LRP11: variants seen among roughly 807,000 people sequenced by gnomAD.
LRP11 encodes the protein low-density lipoprotein receptor-related protein 11.
In LRP11, 25 loss-of-function variants were observed where a neutral mutation model predicts 43.1. The ratio of observed to expected loss-of-function variants is 0.58; its 90% CI spans 0.42 to 0.81. LRP11 has a LOEUF of 0.81. Among genes scored for constraint, LRP11 ranks in the 30% least tolerant of loss-of-function variants. The pLI is 0.00. For missense variants in LRP11, 623 were observed against 665.1 expected (o/e 0.94, Z 0.70); for synonymous variants, 316 against 299.4 (o/e 1.06, Z -0.57).
chr6:149,834,310 C>A (rs945594267), intron 5 of LRP11, among the ~76,000 whole-genome samples: 19 of 152,178 alleles, frequency 1.2e-4, no homozygotes, highest in African/African-American at 4.6e-4. Context: ...ATTTATCATT[C>A]CTCAGTGCTG....
chr6:149,863,975 G>C lies in LRP11; in HGVS notation c.46C>G (p.Pro16Ala), dbSNP rs753559069. Reference sequence around the variant, plus strand: ...CCGCGCAGCGCCCCGTGACGCGGCGGTAGCCGGCGCTGCGAGCCCGCGCTC... The same window carrying C: ...CCGCGCAGCGCCCCGTGACGCGGCGCTAGCCGGCGCTGCGAGCCCGCGCTC... ...QESAGSQRRL[P>A]PRHGALRGLL... Residue 16 changes from proline to alanine, a missense_variant, in exon 1 of 7, where the codon CCG (proline) becomes GCG (alanine). Coordinates refer to ENST00000239367, the MANE Select transcript of LRP11 (RefSeq NM_032832.6). The C allele has an allele frequency of 3.5e-6, 5 of 1,414,258 alleles. No individual in the cohort carries two copies. Among genetic ancestry groups the C allele is most frequent in the Non-Finnish European group, 4.6e-6 (5 of 1,091,402 alleles). The allele number at this position is 1,414,258 out of a possible 1,614,324, so 87.6% of individuals were successfully genotyped here. A position where few individuals can be genotyped will look rare whatever the true frequency, so the allele number is the denominator to read the frequency against.
At chr6:149,843,914 C>G (rs1239680057) in intron 2 of LRP11, among the ~76,000 whole-genome samples, 3 of 152,256 alleles carry the variant, frequency 2.0e-5, no homozygotes, top group Admixed American at 2.0e-4. Flanking sequence ...ACTAACTGAC[C>G]TAGCAAAAGT....
intron 5 of LRP11, among the ~76,000 whole-genome samples, chr6:149,834,568 G>A (rs1776448402): frequency 6.6e-6 from 1 of 152,102 alleles, no homozygotes; most frequent in African/African-American, 2.4e-5. Context: ...CACCCCTTCG[G>A]CAGTCCTGCC....
At chr6:149,858,733 C>A (rs1443556366) in intron 1 of LRP11, among the ~76,000 whole-genome samples, 1 of 152,146 alleles carries the variant, frequency 6.6e-6, no homozygotes, top group Non-Finnish European at 1.5e-5. Context: ...TTAGCACTGC[C>A]CATGTGATAA....
chr6:149,854,159 C>G lies in LRP11; in HGVS notation c.614-999G>C, dbSNP rs374830908. Among the ~76,000 whole-genome samples the G allele has an allele frequency of 2.7e-4, 41 of 152,274 alleles. No individual in the cohort carries two copies. The South Asian group carries it at 7.9e-3, about 29-fold the overall frequency. ...TTGTTTTGCTTTTGAGACAGGGTCT[C>G]TATCACCCAGGCTGGTGCACGATCA... On this transcript the variant is annotated intron_variant, in intron 1 of 6. Transcript: ENST00000239367.
chr6:149,830,703 T>C (rs139882440), intron 5 of LRP11, among the ~76,000 whole-genome samples: 117 of 152,348 alleles, frequency 7.7e-4, no homozygotes, highest in African/African-American at 2.2e-3. Context: ...GCACTTTCTT[T>C]CTTTAAGAAA....
In LRP11 at chr6:149,864,298, G is replaced by C; in HGVS notation, c.-278C>G. 1 of 1,042,678 alleles carries C rather than the reference G, an allele frequency of 9.6e-7. No homozygotes were observed. Among genetic ancestry groups the C allele is most frequent in the Non-Finnish European group, 1.2e-6 (1 of 868,136 alleles). 64.6% of individuals were successfully genotyped at this position (1,042,678 alleles called of 1,614,324 possible). On this transcript the variant is annotated 5_prime_UTR_variant, in exon 1 of 7. Transcript: ENST00000239367. ...CCTGCGCCTCTCCGCCCCGGCCTGC[G>C]GCGCGCTGGGTGGCGACGAGTCGGC...
intron 1 of LRP11, among the ~76,000 whole-genome samples, chr6:149,861,320 T>G (rs1186658408): frequency 1.3e-5 from 2 of 152,090 alleles, no homozygotes; most frequent in Admixed American, 1.3e-4. Context: ...ACCTTCCGCG[T>G]TTCCATGTTG....
chr6:149,863,799 C>T lies in LRP11; in HGVS notation c.222G>A (p.Glu74=). 1 of 1,497,348 alleles carries T rather than the reference C, an allele frequency of 6.7e-7. No individual in the cohort carries two copies. Among genetic ancestry groups the T allele is most frequent in the East Asian group, 2.8e-5 (1 of 35,160 alleles). 92.8% of individuals were successfully genotyped at this position (1,497,348 alleles called of 1,614,324 possible). ...RQLQQERPQE[E]LELELRAGGG... The stretch of plus-strand genomic sequence containing the variant: ...CGCCCGCGCGCAGCTCCAGCTCCAG[C>T]TCCTCCTGAGGCCGCTCCTGCTGCA... The change falls in exon 1 of 7, where the codon GAG becomes GAA. Residue 74 remains glutamate (E), a synonymous_variant. Transcript: ENST00000239367.
chr6:149,845,437 C>T (rs188898656), intron 2 of LRP11, among the ~76,000 whole-genome samples: 40 of 152,324 alleles, frequency 2.6e-4, no homozygotes, highest in Admixed American at 2.2e-3. Context: ...CCTGCAAAAG[C>T]CTTACTTTGG....
chr6:149,835,238 A>G (rs1348362295), intron 5 of LRP11, among the ~76,000 whole-genome samples: 1 of 152,158 alleles, frequency 6.6e-6, no homozygotes, highest in Non-Finnish European at 1.5e-5. Flanking sequence ...CTCAGCCTCC[A>G]GAGTAGCTGG....
chr6:149,837,337 C>A lies in LRP11; in HGVS notation c.1039+1G>T. The A allele has an allele frequency of 6.2e-7, 1 of 1,613,200 alleles. No individual in the cohort carries two copies. Among genetic ancestry groups the A allele is most frequent in the Admixed American group, 1.7e-5 (1 of 59,924 alleles). ...CTAGCAATGTGACATAGCCAACTCA[C>A]GATTCTGGCAGAAGTCTTCATCAGA... On this transcript the variant is annotated splice_donor_variant, in intron 4 of 6. Transcript: ENST00000239367. LOFTEE classifies it high-confidence loss of function.
intron 2 of LRP11, among the ~76,000 whole-genome samples, chr6:149,845,965 T>C (rs1397147008): frequency 2.6e-5 from 4 of 152,200 alleles, no homozygotes; most frequent in African/African-American, 9.6e-5. Flanking sequence ...TGTATCACCC[T>C]GTCCGCGGGT....
At chr6:149,846,362 T>A (rs1776632646) in intron 2 of LRP11, among the ~76,000 whole-genome samples, 2 of 152,194 alleles carry the variant, frequency 1.3e-5, no homozygotes, top group Non-Finnish European at 2.9e-5. Flanking sequence ...ATGACAGGCA[T>A]GCTGGAGTAT....
At position 149,843,071 on chromosome 6, in the gene LRP11, G is replaced by A. The variant is rs1457638766; in HGVS notation, c.825C>T (p.Thr275=). 6.2e-7 allele frequency: 1 copy of A among 1,614,206 alleles called. No individual in the cohort carries two copies. Among genetic ancestry groups the A allele is most frequent in the South Asian group, 1.1e-5 (1 of 91,086 alleles). The part of the protein sequence containing the change: ...KLSHLQEGTY[T]FQLTVTDTAG... ...CAGTGTCCGTCACGGTCAGCTGGAA[G>A]GTGTAGGTTCCCTCCTGTAGGTGGG... Residue 275 remains threonine (T), a synonymous_variant, in exon 3 of 7, where the codon ACC becomes ACT. Coordinates refer to ENST00000239367, the MANE Select transcript of LRP11 (RefSeq NM_032832.6).
At chr6:149,843,981 A>G (rs1039859681) in intron 2 of LRP11, among the ~76,000 whole-genome samples, 16 of 152,170 alleles carry the variant, frequency 1.1e-4, no homozygotes, top group Non-Finnish European at 2.1e-4. Context: ...TTGGTTGGGC[A>G]CGGTGGCTCA....
At chr6:149,836,334 T>G (rs1444857518) in intron 4 of LRP11, 37 bp from the exon 5 acceptor site, 1 of 1,580,396 alleles carries the variant, frequency 6.3e-7, no homozygotes, top group Non-Finnish European at 8.7e-7. Context: ...TTGCTGGATT[T>G]CTTTTCTGAG....
intron 2 of LRP11, among the ~76,000 whole-genome samples, chr6:149,845,011 C>T (rs1050228744): frequency 2.0e-5 from 3 of 152,184 alleles, no homozygotes; most frequent in African/African-American, 4.8e-5. Context: ...GACCCATGAT[C>T]ACACTGAAAG....
intron 2 of LRP11, chr6:149,852,712 T>C (rs1247157606): frequency 6.6e-6 from 2 of 303,490 alleles, no homozygotes; most frequent in Non-Finnish European, 1.2e-5. Context: ...TCTGAGTCAT[T>C]AAAACAAAGC....
Sources: allele counts gnomAD v4.1 joint callset (sites outside exome capture counted in the v4.1 genomes callset), GRCh38; gene constraint gnomAD v4.1.1; transcripts MANE v1.5; gene names NCBI Gene and HGNC (gene_info 2026-07-23, HGNC 2026-07-21).